LZTFL1: variants seen among roughly 807,000 people sequenced by gnomAD.
LZTFL1 encodes leucine zipper transcription factor-like protein 1.
A neutral mutation model predicts 45.9 loss-of-function variants in LZTFL1; 25 were observed. That is an observed-to-expected ratio of 0.54 (90% CI 0.40 to 0.76). The LOEUF (loss-of-function observed/expected upper bound fraction) is 0.76, where lower values mean the gene tolerates loss of function less well. Ranked by LOEUF, LZTFL1 falls within the 30% of genes least tolerant of loss-of-function variation. LZTFL1 has a pLI of 0.00. For missense variants in LZTFL1, 277 were observed against 331.1 expected (o/e 0.84, Z 1.27); for synonymous variants, 93 against 117.4 (o/e 0.79, Z 1.35).
At chr3:45,859,710 C>A (rs1469515185) in intron 2 of LZTFL1, among the ~76,000 whole-genome samples, 1 of 147,288 alleles carries the variant, frequency 6.8e-6, no homozygotes, top group Admixed American at 6.8e-5. Context: ...GATCTTGGCT[C>A]ACTGCAACCT....
At chr3:45,858,002 T>C (rs1404341129) in intron 3 of LZTFL1, among the ~76,000 whole-genome samples, 2 of 152,230 alleles carry the variant, frequency 1.3e-5, no homozygotes, top group Non-Finnish European at 2.9e-5. Context: ...ATAAAGGAAA[T>C]GCTGGTTTTA....
At position 45,890,352 on chromosome 3, in the gene LZTFL1, T is replaced by TATATATATATAAATATATATATATAAC. The variant is rs1559421680; in HGVS notation, c.-215+22767_-215+22768insGTTATATATATATATTTATATATATAT. On this transcript the variant is annotated intron_variant, in intron 2 of 4. Transcript: ENST00000472635. ...ATATATATAACATATATATATAACA[T>TATATATATATAAATATATATATATAAC]ATATATATATATAACATATATAAAG... is the stretch of plus-strand genomic sequence containing the variant. 3.1e-4 allele frequency among the ~76,000 whole-genome samples: 5 copies of TATATATATATAAATATATATATATAAC among 16,170 alleles called. No individual in the cohort carries two copies. In the East Asian group the frequency reaches 6.0e-3, roughly 19 times the overall value. 10.6% of individuals were successfully genotyped at this position (16,170 alleles called of 152,430 possible).
At position 45,826,022 on chromosome 3, in the gene LZTFL1, G is replaced by C. The variant is rs1700653968; in HGVS notation, c.*292C>G. 2.8e-6 allele frequency: 1 copy of C among 353,008 alleles called. No individual in the cohort carries two copies. Among genetic ancestry groups the C allele is most frequent in the Non-Finnish European group, 5.1e-6 (1 of 196,528 alleles). The allele number at this position is 353,008 out of a possible 1,614,324, so 21.9% of individuals were successfully genotyped here. On this transcript the variant is annotated 3_prime_UTR_variant, in exon 10 of 10. Coordinates refer to ENST00000296135, the MANE Select transcript of LZTFL1 (RefSeq NM_020347.4). Reference sequence around the variant, plus strand: ...TCTTTATACTAATGCAGAAGGATAAGCCTCTTCTTCCCACTCTAAAAATCT... The same window carrying C: ...TCTTTATACTAATGCAGAAGGATAACCCTCTTCTTCCCACTCTAAAAATCT...
In LZTFL1 at chr3:45,886,088, A is replaced by G. The variant is rs550323908; in HGVS notation, c.-215+27032T>C. Among the ~76,000 whole-genome samples, 8 of 152,336 alleles carry G rather than the reference A, an allele frequency of 5.3e-5. No individual in the cohort carries two copies. In the South Asian group the frequency reaches 1.7e-3, roughly 32 times the overall value. On this transcript the variant is annotated intron_variant, in intron 2 of 4. Coordinates refer to the LZTFL1 transcript ENST00000472635. ...CCTAGTAGCTACTGTGTTGGATAGC[A>G]CAGCCCTCCGGGTTCTGGTACGTCT...
intron 2 of LZTFL1, chr3:45,883,719 GA>G: frequency 1.7e-6 from 1 of 573,576 alleles, no homozygotes; most frequent in Non-Finnish European, 3.3e-6. Context: ...GGCTAAAGCT[GA>G]AAGTGCCAAA....
At chr3:45,857,640 A>G (rs1386638538) in intron 3 of LZTFL1, among the ~76,000 whole-genome samples, 1 of 152,264 alleles carries the variant, frequency 6.6e-6, no homozygotes, top group Non-Finnish European at 1.5e-5. Flanking sequence ...TCAATTTTAA[A>G]TATTTAAAGT....
At chr3:45,829,639 C>G (rs1223974350) in intron 7 of LZTFL1, among the ~76,000 whole-genome samples, 1 of 135,634 alleles carries the variant, frequency 7.4e-6, no homozygotes, top group Non-Finnish European at 1.6e-5. Flanking sequence ...AAAGTACTTT[C>G]AACAGAAGAA....
intron 2 of LZTFL1, among the ~76,000 whole-genome samples, chr3:45,912,920 C>G (rs1702825635): frequency 6.6e-6 from 1 of 152,224 alleles, no homozygotes; most frequent in Non-Finnish European, 1.5e-5. Flanking sequence ...ACTGATACAG[C>G]CTTTTGTATT....
rs1700695223 is a variant in LZTFL1, at chr3:45,827,370, C to T, written c.867G>A (p.Arg289=). 1 of 1,611,724 alleles carries T rather than the reference C, an allele frequency of 6.2e-7. No individual in the cohort carries two copies. The change falls in exon 9 of 10, where the codon AGG becomes AGA. Residue 289 remains arginine, a synonymous_variant. Coordinates refer to ENST00000296135, the MANE Select transcript of LZTFL1 (RefSeq NM_020347.4). ...TKKNDQIKDL[R]KRLAQYEPED is the part of the protein sequence containing the mutation. ...GTGTGGCTTACTGTGCCAGTCTTTTCCTCAGATCTTTGATTTGGTCATTCT... is the reference window on the plus strand; with the variant it reads ...GTGTGGCTTACTGTGCCAGTCTTTTTCTCAGATCTTTGATTTGGTCATTCT...
Position 45,901,733 on chromosome 3 carries a change from T to C in LZTFL1, c.-215+11387A>G, listed in dbSNP as rs1273486573. 2.5e-6 allele frequency: 4 copies of C among 1,614,156 alleles called. No homozygotes were observed. In the Admixed American group the frequency reaches 6.7e-5, roughly 27 times the overall value. ...TCTTCCACAGTTGCCTGAACCCTGT[T>C]CTCTATGTTTTTGTGGGTGAGAGAT... On this transcript the variant is annotated intron_variant, in intron 2 of 4. Transcript: ENST00000472635. This position sits in a 1 kb window ranked among gnomAD's most constrained non-coding sequence, Gnocchi z 4.3.
chr3:45,847,243 A>G (rs932455309), intron 4 of LZTFL1, among the ~76,000 whole-genome samples: 1 of 152,210 alleles, frequency 6.6e-6, no homozygotes, highest in African/African-American at 2.4e-5. Context: ...GATGCACAAC[A>G]TCCAGACACA....
intron 2 of LZTFL1, among the ~76,000 whole-genome samples, chr3:45,859,476 C>T (rs1186890238): frequency 6.6e-6 from 1 of 152,200 alleles, no homozygotes; most frequent in Non-Finnish European, 1.5e-5. Context: ...ATCCTCCCAC[C>T]TTGGCCTCCC....
chr3:45,912,110 G>A (rs1702805610), intron 2 of LZTFL1, among the ~76,000 whole-genome samples: 1 of 152,176 alleles, frequency 6.6e-6, no homozygotes, highest in Non-Finnish European at 1.5e-5. Flanking sequence ...CCAGGGTGCC[G>A]TCATATACTG....
chr3:45,894,973 C>T, intron 2 of LZTFL1: 2 of 1,612,376 alleles, frequency 1.2e-6, no homozygotes, highest in Non-Finnish European at 1.7e-6. Flanking sequence ...AGCCGTGCTC[C>T]TCTGGCTCCT....
chr3:45,855,875 A>C (rs1575271923), intron 3 of LZTFL1, among the ~76,000 whole-genome samples: 1 of 152,216 alleles, frequency 6.6e-6, no homozygotes, highest in East Asian at 1.9e-4. Context: ...GGAGAGCTAC[A>C]AACCACTGCT....
chr3:45,888,034 C>CAATA (rs1702036642), intron 2 of LZTFL1, among the ~76,000 whole-genome samples: 1 of 152,214 alleles, frequency 6.6e-6, no homozygotes. Context: ...GCTGTGTGCA[C>CAATA]AATAACCCCA....
chr3:45,830,779 A>T (rs765803070), intron 7 of LZTFL1, 134 bp downstream of exon 7: 7 of 741,950 alleles, frequency 9.4e-6, no homozygotes, highest in East Asian at 2.7e-5. Flanking sequence ...ATGTCCCAAC[A>T]CATGACAATA....
upstream of LZTFL1, chr3:45,842,138 A>T (rs1035066508): frequency 2.2e-5 from 33 of 1,519,012 alleles, 1 homozygote; most frequent in Admixed American, 2.6e-4. Context: ...ACGGAAACCG[A>T]GGCACGTGGA....
At chr3:45,879,017 G>C (rs1470719536) in intron 2 of LZTFL1, among the ~76,000 whole-genome samples, 1 of 152,216 alleles carries the variant, frequency 6.6e-6, no homozygotes, top group East Asian at 1.9e-4. Context: ...AGCACCAAAT[G>C]CTGGTAATGA....
Sources: allele counts gnomAD v4.1 joint callset (sites outside exome capture counted in the v4.1 genomes callset), GRCh38; gene constraint gnomAD v4.1.1; non-coding constraint Gnocchi (gnomAD v3.1); transcripts MANE v1.5; gene names NCBI Gene and HGNC (gene_info 2026-07-23, HGNC 2026-07-21).